The following ESF1 variants were observed in gnomAD, a reference collection of about 807,000 sequenced individuals.
ESF1 encodes the protein ESF1 homolog.
Under a neutral mutation model 92.0 loss-of-function variants are expected in ESF1, and 58 were observed. That is an observed-to-expected ratio of 0.63 (90% CI 0.51 to 0.78). The LOEUF (loss-of-function observed/expected upper bound fraction) is 0.78, where lower values mean the gene tolerates loss of function less well. Among genes scored for constraint, ESF1 ranks in the 30% least tolerant of loss-of-function variants. The pLI is 0.00. For missense variants in ESF1, 922 were observed against 989.1 expected (o/e 0.93, Z 0.91); for synonymous variants, 321 against 313.7 (o/e 1.02, Z -0.24).
chr20:13,773,594 A>G (rs941690498), intron 4 of ESF1, among the ~76,000 whole-genome samples: 4 of 152,102 alleles, frequency 2.6e-5, no homozygotes, highest in Non-Finnish European at 5.9e-5. Flanking sequence ...CAAGCAGCCT[A>G]TTTTGATCTA....
intron 9 of ESF1, among the ~76,000 whole-genome samples, chr20:13,749,397 T>C (rs1257449473): frequency 1.3e-5 from 2 of 151,976 alleles, no homozygotes; most frequent in Non-Finnish European, 2.9e-5. Flanking sequence ...TCAAAGTGTA[T>C]GCTTCAATTT....
At chr20:13,720,389 C>T (rs1353828943) in intron 11 of ESF1, among the ~76,000 whole-genome samples, 1 of 152,044 alleles carries the variant, frequency 6.6e-6, no homozygotes, top group Non-Finnish European at 1.5e-5. Context: ...ATATGAAATC[C>T]TATGCCCCTA....
intron 9 of ESF1, among the ~76,000 whole-genome samples, chr20:13,734,891 T>C (rs1251262341): frequency 6.6e-6 from 1 of 152,124 alleles, no homozygotes; most frequent in Non-Finnish European, 1.5e-5. Flanking sequence ...ACTGAGAACA[T>C]TTAGCAATTT....
chr20:13,746,872 T>C (rs1443341427), intron 9 of ESF1, among the ~76,000 whole-genome samples: 1 of 152,244 alleles, frequency 6.6e-6, no homozygotes, highest in Admixed American at 6.5e-5. Flanking sequence ...CTTCCATATT[T>C]ATTAGGGTGA....
chr20:13,742,734 AT>A (rs1243646835), intron 9 of ESF1, among the ~76,000 whole-genome samples: 2 of 152,188 alleles, frequency 1.3e-5, no homozygotes, highest in East Asian at 3.8e-4. Context: ...TGAAAAAAAA[AT>A]CAGTCCCAAA....
intron 9 of ESF1, among the ~76,000 whole-genome samples, chr20:13,741,234 A>G (rs2050011629): frequency 6.6e-6 from 1 of 152,126 alleles, no homozygotes; most frequent in Non-Finnish European, 1.5e-5. Context: ...GAATCTCATT[A>G]TATCTCTGAG....
intron 9 of ESF1, among the ~76,000 whole-genome samples, chr20:13,736,555 A>G (rs1859898104): frequency 6.6e-6 from 1 of 152,186 alleles, no homozygotes; most frequent in Admixed American, 6.5e-5. Context: ...CCAGACACAT[A>G]GTAAATACTT....
chr20:13,717,238 G>T, intron 13 of ESF1, 130 bp downstream of exon 13: 1 of 1,105,060 alleles, frequency 9.0e-7, no homozygotes, highest in Non-Finnish European at 1.3e-6. Context: ...GGGATTATAG[G>T]CGTGAGCCAC....
intron 1 of ESF1, 78 bp downstream of exon 1, chr20:13,784,802 T>G (rs1980592694): frequency 1.9e-6 from 1 of 531,838 alleles, no homozygotes; most frequent in Non-Finnish European, 3.4e-6. Context: ...AGAGACTAGT[T>G]TTTTCCCCGC....
intron 10 of ESF1, among the ~76,000 whole-genome samples, chr20:13,729,917 G>A (rs538260663): frequency 1.3e-5 from 2 of 152,262 alleles, no homozygotes; most frequent in East Asian, 3.9e-4. Flanking sequence ...AGGCTAACCA[G>A]ACTGAATTTA....
At chr20:13,757,453 A>C (rs1978948098) in intron 9 of ESF1, among the ~76,000 whole-genome samples, 2 of 152,136 alleles carry the variant, frequency 1.3e-5, no homozygotes, top group Admixed American at 6.5e-5. Context: ...GCTGGAGTGC[A>C]GTGGCATGAT....
chr20:13,771,286 A>G, intron 6 of ESF1, 45 bp downstream of exon 6: 1 of 1,512,914 alleles, frequency 6.6e-7, no homozygotes, highest in Non-Finnish European at 9.1e-7. Flanking sequence ...TCTTATAATC[A>G]TGTTGTACTA....
intron 8 of ESF1, 96 bp from the exon 9 acceptor site, chr20:13,759,949 A>G: frequency 7.0e-7 from 1 of 1,430,290 alleles, no homozygotes; most frequent in Non-Finnish European, 9.1e-7. Context: ...ATGCTGTTAG[A>G]CCACAGGATA....
chr20:13,776,220 C>A lies in ESF1; in HGVS notation c.688G>T (p.Asp230Tyr). The A allele has an allele frequency of 6.2e-7, 1 of 1,613,668 alleles. No individual in the cohort carries two copies. Among genetic ancestry groups the A allele is most frequent in the Non-Finnish European group, 8.5e-7 (1 of 1,179,848 alleles). The change falls in exon 3 of 14, where the codon GAT (aspartate) becomes TAT (tyrosine). Residue 230 changes from aspartate (D) to tyrosine (Y), a missense_variant. Transcript: ENST00000617257. Reference protein sequence around the residue: ...RDSDGYENSTDGEMCDKDALE... With the variant: ...RDSDGYENSTYGEMCDKDALE... ...GCATCTTTGTCACACATTTCACCATCTGTTGAGTTTTCATAACCATCACTG... is the reference window on the plus strand; with the variant it reads ...GCATCTTTGTCACACATTTCACCATATGTTGAGTTTTCATAACCATCACTG...
intron 9 of ESF1, among the ~76,000 whole-genome samples, chr20:13,757,472 A>C (rs1978948662): frequency 6.6e-6 from 1 of 152,164 alleles, no homozygotes; most frequent in Non-Finnish European, 1.5e-5. Context: ...ATCACAGCTA[A>C]CTGCAGCCTC....
intron 9 of ESF1, among the ~76,000 whole-genome samples, chr20:13,739,365 T>C (rs932084140): frequency 6.6e-6 from 1 of 152,216 alleles, no homozygotes; most frequent in African/African-American, 2.4e-5. Context: ...CCCTGCTTCT[T>C]AGAATCAAAT....
At chr20:13,767,036 G>A in intron 7 of ESF1, 112 bp from the exon 8 acceptor site, 2 of 1,012,448 alleles carry the variant, frequency 2.0e-6, no homozygotes, top group Non-Finnish European at 2.9e-6. Context: ...TAAAAGTTAA[G>A]ACACATTAAA....
chr20:13,730,954 T>G (rs1225819246), intron 10 of ESF1, among the ~76,000 whole-genome samples: 2 of 152,098 alleles, frequency 1.3e-5, no homozygotes, highest in Non-Finnish European at 2.9e-5. Flanking sequence ...AGAAAATTCT[T>G]GAAACTCTTC....
chr20:13,730,193 C>T (rs1450104238), intron 10 of ESF1, among the ~76,000 whole-genome samples: 3 of 152,100 alleles, frequency 2.0e-5, no homozygotes, highest in African/African-American at 4.8e-5. Context: ...CTACCTCAGC[C>T]TCCCAAGTAG....
Sources: allele counts gnomAD v4.1 joint callset (sites outside exome capture counted in the v4.1 genomes callset), GRCh38; gene constraint gnomAD v4.1.1; transcripts MANE v1.5; gene names NCBI Gene and HGNC (gene_info 2026-07-23, HGNC 2026-07-21).